PAM: variants seen among roughly 807,000 people sequenced by gnomAD.
PAM encodes peptidyl-glycine alpha-amidating monooxygenase.
A neutral mutation model predicts 122.1 loss-of-function variants in PAM; 72 were observed. The observed-to-expected ratio is 0.59, with a 90% CI of 0.49 to 0.72. PAM has a LOEUF of 0.72. Among genes scored for constraint, PAM ranks in the 30% least tolerant of loss-of-function variants. PAM has a pLI of 0.00. For synonymous variants in PAM, 389 were observed against 404.4 expected (o/e 0.96, Z 0.46); for missense variants, 1,106 against 1,183.7 (o/e 0.93, Z 0.96).
intron 1 of PAM, among the ~76,000 whole-genome samples, chr5:102,847,997 T>C (rs1368688588): frequency 6.6e-6 from 1 of 152,194 alleles, no homozygotes; most frequent in Non-Finnish European, 1.5e-5. Context: ...GTAGCCTTCA[T>C]GATCTTCCTG....
At chr5:102,817,204 C>A (rs1250200257) in intron 1 of PAM, among the ~76,000 whole-genome samples, 1 of 152,042 alleles carries the variant, frequency 6.6e-6, no homozygotes, top group East Asian at 1.9e-4. Context: ...AGTTGTACCA[C>A]AATTTATTAA....
Position 102,974,385 on chromosome 5 carries a change from T to C in PAM, c.1432T>C (p.Leu478=). ...LRPPESRVFS[L]QQPPPGEGTW... The stretch of plus-strand genomic sequence containing the variant: ...GCCACCAGAGAGCAGAGTTTTCTCA[T>C]TACAGCAGCCCCCACCTGGTGAAGG... The change falls in exon 15 of 26, where the codon TTA becomes CTA. Residue 478 remains leucine, a synonymous_variant. Transcript: ENST00000438793. The C allele has an allele frequency of 6.2e-7, 1 of 1,614,012 alleles. No individual in the cohort carries two copies. The highest frequency in any genetic ancestry group is 8.5e-7 in the Non-Finnish European group (1 of 1,179,940).
intron 1 of PAM, among the ~76,000 whole-genome samples, chr5:102,766,900 GATTT>G (rs2149718478): frequency 2.6e-5 from 1 of 38,104 alleles, no homozygotes; most frequent in African/African-American, 1.0e-4. Flanking sequence ...CTTTTTGTGT[GATTT>G]ATTTTATTGC....
intron 14 of PAM, among the ~76,000 whole-genome samples, chr5:102,968,452 G>A (rs192636237): frequency 8.5e-5 from 13 of 152,184 alleles, no homozygotes; most frequent in African/African-American, 1.9e-4. Flanking sequence ...GAGATTAAAC[G>A]TATTAAACCG....
At chr5:102,767,697 A>T (rs1754507573) in intron 1 of PAM, among the ~76,000 whole-genome samples, 1 of 152,168 alleles carries the variant, frequency 6.6e-6, no homozygotes, top group Non-Finnish European at 1.5e-5. Context: ...CTGTACTTTC[A>T]TTAAATTGCT....
intron 7 of PAM, among the ~76,000 whole-genome samples, chr5:102,928,892 T>C (rs1750507791): frequency 6.6e-6 from 1 of 152,170 alleles, no homozygotes; most frequent in African/African-American, 2.4e-5. Context: ...TACCCAGTTA[T>C]TCATGCACAT....
chr5:102,804,972 G>C (rs1285691972), intron 1 of PAM, among the ~76,000 whole-genome samples: 1 of 151,972 alleles, frequency 6.6e-6, no homozygotes, highest in East Asian at 1.9e-4. Flanking sequence ...GACTGGGAGA[G>C]AGATGAGATT....
intron 7 of PAM, 80 bp downstream of exon 7, chr5:102,926,748 T>C: frequency 1.3e-6 from 1 of 750,756 alleles, no homozygotes. Context: ...ATTATCTACA[T>C]CTTAAAAAGA....
At chr5:102,759,264 G>A (rs763185621) in intron 1 of PAM, among the ~76,000 whole-genome samples, 6 of 152,158 alleles carry the variant, frequency 3.9e-5, no homozygotes, top group Non-Finnish European at 7.3e-5. Flanking sequence ...GGTGGTGAAG[G>A]AAAACTTCCT....
chr5:102,770,815 T>C (rs899131537), intron 1 of PAM, among the ~76,000 whole-genome samples: 1 of 152,092 alleles, frequency 6.6e-6, no homozygotes, highest in African/African-American at 2.4e-5. Context: ...CTTTTTTTAA[T>C]GTATCTTTGT....
At chr5:102,982,301 C>T (rs890285057) in intron 15 of PAM, among the ~76,000 whole-genome samples, 2 of 152,178 alleles carry the variant, frequency 1.3e-5, no homozygotes, top group African/African-American at 4.8e-5. Context: ...ATGTGTATGA[C>T]TTGGGGATCC....
At chr5:102,816,050 A>C (rs942405122) in intron 1 of PAM, among the ~76,000 whole-genome samples, 2 of 152,132 alleles carry the variant, frequency 1.3e-5, no homozygotes, top group African/African-American at 4.8e-5. Flanking sequence ...AAAAAGAAAA[A>C]GATCATTCTT....
chr5:102,870,200 T>C lies in PAM; in HGVS notation c.210+2807T>C, dbSNP rs188803575. Reference sequence around the variant, plus strand: ...TGGGAATTGAGAGACATCATGTTGATTAAAGAAATGTATTCATTCCACAAG... The same window carrying C: ...TGGGAATTGAGAGACATCATGTTGACTAAAGAAATGTATTCATTCCACAAG... On this transcript the variant is annotated intron_variant, in intron 3 of 25. Transcript: ENST00000438793. Among the ~76,000 whole-genome samples the C allele has an allele frequency of 5.3e-5, 8 of 152,094 alleles. No homozygotes were observed. The East Asian group carries it at 1.4e-3, about 26-fold the overall frequency.
intron 1 of PAM, among the ~76,000 whole-genome samples, chr5:102,763,000 T>A (rs909240284): frequency 2.0e-5 from 3 of 152,216 alleles, no homozygotes; most frequent in African/African-American, 7.2e-5. Flanking sequence ...AGACTGATGA[T>A]GAGTCAAGGA....
intron 1 of PAM, among the ~76,000 whole-genome samples, chr5:102,856,940 A>G (rs1428439382): frequency 3.3e-5 from 5 of 152,026 alleles, no homozygotes; most frequent in Non-Finnish European, 7.4e-5. Context: ...AGAGAGCCTT[A>G]AAAAACAAAC....
chr5:102,973,948 C>T (rs991056400), intron 14 of PAM, among the ~76,000 whole-genome samples, 168 bp from the exon 15 acceptor site: 4 of 152,034 alleles, frequency 2.6e-5, no homozygotes, highest in African/African-American at 4.8e-5. Context: ...AGTATTTCAT[C>T]GGTCTAGGAA....
At chr5:102,950,427 G>T (rs949763329) in intron 11 of PAM, among the ~76,000 whole-genome samples, 6 of 150,644 alleles carry the variant, frequency 4.0e-5, no homozygotes, top group African/African-American at 1.5e-4. Context: ...GTGTGTGTGT[G>T]TGTGTGTGTG....
Position 102,900,262 on chromosome 5 carries a change from GGGC to G in PAM, c.211-1091_211-1089del, listed in dbSNP as rs1350638774. On this transcript the variant is annotated intron_variant, in intron 3 of 25. Transcript: ENST00000438793. ...CTCTTAATGTGTGTGTGTGGGGGGG[GGGC>G]GGGGGGAAGAGGGTAGACAAAATCA... Among the ~76,000 whole-genome samples, 59 of 112,210 alleles carry G rather than the reference GGGC, an allele frequency of 5.3e-4. 1 individual carries two copies. The highest frequency in any genetic ancestry group is 2.1e-3 in the African/African-American group (56 of 26,974). 73.6% of individuals were successfully genotyped at this position (112,210 alleles called of 152,430 possible). A position where few individuals can be genotyped will look rare whatever the true frequency, so the allele number is the denominator to read the frequency against.
At chr5:102,773,849 A>G (rs1372727067) in intron 1 of PAM, among the ~76,000 whole-genome samples, 2 of 152,074 alleles carry the variant, frequency 1.3e-5, no homozygotes, top group African/African-American at 4.8e-5. Flanking sequence ...AGTACATAAT[A>G]GTTATCTTTT....
Sources: gnomAD v4.1 joint callset for allele counts (sites outside exome capture counted in the v4.1 genomes callset) on GRCh38, gnomAD v4.1.1 for gene constraint, MANE v1.5 for transcripts, NCBI Gene and HGNC (gene_info 2026-07-23, HGNC 2026-07-21) for gene names.